Variants in PLCG2 observed in about 807,000 individuals in gnomAD.
PLCG2 encodes phospholipase C gamma 2.
A neutral mutation model predicts 175.6 loss-of-function variants in PLCG2; 69 were observed. The observed-to-expected ratio is 0.39, with a 90% CI of 0.32 to 0.48. The LOEUF (loss-of-function observed/expected upper bound fraction) is 0.48. Ranked by LOEUF, PLCG2 falls within the 20% of genes least tolerant of loss-of-function variation. PLCG2 has a pLI of 0.91. For missense variants in PLCG2, 1,798 were observed against 1,650.9 expected (o/e 1.09, Z -1.54); for synonymous variants, 827 against 624.0 (o/e 1.33, Z -4.85).
At chr16:81,803,553 C>G (rs920019410) in intron 2 of PLCG2, among the ~76,000 whole-genome samples, 1 of 59,724 alleles carries the variant, frequency 1.7e-5, no homozygotes, top group East Asian at 4.2e-4. Context: ...TCTTTCCTTT[C>G]TTTCCTTCCT....
At chr16:81,828,537 C>T (rs747429070) in intron 2 of PLCG2, among the ~76,000 whole-genome samples, 38 of 152,236 alleles carry the variant, frequency 2.5e-4, no homozygotes, top group Admixed American at 4.6e-4. Flanking sequence ...CGCACCCGGC[C>T]GAGAAGCGTC....
intron 7 of PLCG2, among the ~76,000 whole-genome samples, chr16:81,875,887 C>T (rs181929328): frequency 2.4e-4 from 36 of 152,118 alleles, no homozygotes; most frequent in South Asian, 6.2e-4. Flanking sequence ...GAGTGATGAG[C>T]GTTCTGTGAC....
At chr16:81,925,529 T>C (rs1910227853) in intron 22 of PLCG2, among the ~76,000 whole-genome samples, 1 of 152,210 alleles carries the variant, frequency 6.6e-6, no homozygotes, top group South Asian at 2.1e-4. Context: ...GTCCTCACTC[T>C]GCTTATTCAG....
chr16:81,743,938 A>C (rs12928452), intron 1 of PLCG2, among the ~76,000 whole-genome samples: 90,969 of 150,882 alleles, frequency 0.6, 27,500 homozygotes, highest in Non-Finnish European at 0.63. Flanking sequence ...GGCTCACTGC[A>C]ACCTCCACCT....
At chr16:81,935,311 C>T (rs1014501925) in intron 26 of PLCG2, among the ~76,000 whole-genome samples, 4 of 152,022 alleles carry the variant, frequency 2.6e-5, no homozygotes, top group African/African-American at 9.7e-5. Context: ...CTGGATATTC[C>T]AGAATAAGCC....
intron 13 of PLCG2, 59 bp downstream of exon 13, chr16:81,895,986 A>T (rs1023491398): frequency 1.2e-6 from 2 of 1,601,932 alleles, no homozygotes; most frequent in African/African-American, 2.7e-5. Flanking sequence ...AGGGTTGGAT[A>T]GACAGATGGA....
intron 1 of PLCG2, among the ~76,000 whole-genome samples, chr16:81,751,032 G>C (rs1197477226): frequency 7.7e-6 from 1 of 130,366 alleles, no homozygotes; most frequent in African/African-American, 2.9e-5. Flanking sequence ...CCAGACTGGA[G>C]TACGGTAGTG....
At chr16:81,812,925 G>A (rs975113917) in intron 2 of PLCG2, among the ~76,000 whole-genome samples, 1 of 152,150 alleles carries the variant, frequency 6.6e-6, no homozygotes, top group Non-Finnish European at 1.5e-5. Context: ...CATTTATTAA[G>A]TAGGGAATCC....
chr16:81,885,215 G>A (rs1908299546), intron 9 of PLCG2, among the ~76,000 whole-genome samples: 1 of 152,144 alleles, frequency 6.6e-6, no homozygotes, highest in Admixed American at 6.5e-5. Flanking sequence ...ATAGAGTCGG[G>A]GTTTCACAAT....
At chr16:81,816,667 T>C (rs894658713) in intron 2 of PLCG2, among the ~76,000 whole-genome samples, 3 of 141,402 alleles carry the variant, frequency 2.1e-5, no homozygotes, top group Non-Finnish European at 3.1e-5. Flanking sequence ...TTTTTTTTTT[T>C]TTTTTTTTTT....
chr16:81,945,082 G>C (rs1164909704), intron 30 of PLCG2, among the ~76,000 whole-genome samples: 1 of 152,196 alleles, frequency 6.6e-6, no homozygotes, highest in Admixed American at 6.5e-5. Context: ...GGTGTAAAAG[G>C]AGAAATTGGG....
At chr16:81,781,792 GC>G (rs1332502795) in intron 1 of PLCG2, among the ~76,000 whole-genome samples, 2 of 152,148 alleles carry the variant, frequency 1.3e-5, no homozygotes, top group Admixed American at 1.3e-4. Flanking sequence ...GGCTTACCAT[GC>G]ACAGAGCACT....
rs532206223 is a variant in PLCG2, at chr16:81,804,207, A to C, written c.193+18025A>C. Among the ~76,000 whole-genome samples, 8 of 152,344 alleles carry C rather than the reference A, an allele frequency of 5.3e-5. No homozygotes were observed. The South Asian group carries it at 1.5e-3, about 28-fold the overall frequency. Reference sequence around the variant, plus strand: ...CTCCAACTTCCCCATGTCCTCGCCAACACATGTTAGTATCTGTCTTTTTGG... The same window carrying C: ...CTCCAACTTCCCCATGTCCTCGCCACCACATGTTAGTATCTGTCTTTTTGG... On this transcript the variant is annotated intron_variant, in intron 2 of 32. Transcript: ENST00000564138.
At chr16:81,859,282 G>T in intron 5 of PLCG2, 119 bp downstream of exon 5, 1 of 680,006 alleles carries the variant, frequency 1.5e-6, no homozygotes, top group Non-Finnish European at 2.7e-6. Flanking sequence ...TGCGTCCATT[G>T]TGATCTGCGG....
At chr16:81,922,426 T>G (rs1368657588) in intron 21 of PLCG2, among the ~76,000 whole-genome samples, 1 of 152,258 alleles carries the variant, frequency 6.6e-6, no homozygotes, top group Non-Finnish European at 1.5e-5. Flanking sequence ...ACCTTAAGGC[T>G]TGGAATAATG....
chr16:81,907,139 A>G (rs2143647703), intron 15 of PLCG2, among the ~76,000 whole-genome samples: 1 of 152,158 alleles, frequency 6.6e-6, no homozygotes, highest in East Asian at 1.9e-4. Flanking sequence ...CTTAAAGTAT[A>G]ATAAAAAAAT....
chr16:81,760,964 C>T (rs1040057275), intron 2 of PLCG2, among the ~76,000 whole-genome samples: 2 of 152,000 alleles, frequency 1.3e-5, no homozygotes, highest in Non-Finnish European at 1.5e-5. Flanking sequence ...AATGCAGTGG[C>T]GTGATCTCAG....
At chr16:81,774,177 C>CAAAAAA (rs57503150) in intron 2 of PLCG2, among the ~76,000 whole-genome samples, 2 of 40,532 alleles carry the variant, frequency 4.9e-5, no homozygotes, top group Non-Finnish European at 8.0e-5. Flanking sequence ...ACTAAAAATA[C>CAAAAAA]AAAAAAAAAA....
intron 2 of PLCG2, among the ~76,000 whole-genome samples, chr16:81,835,926 A>C (rs563592664): frequency 6.6e-6 from 1 of 152,232 alleles, no homozygotes; most frequent in Non-Finnish European, 1.5e-5. Context: ...CCCTCTTACA[A>C]GGACAGTAGT....
Sources: allele counts gnomAD v4.1 joint callset (sites outside exome capture counted in the v4.1 genomes callset), GRCh38; gene constraint gnomAD v4.1.1; transcripts MANE v1.5; gene names NCBI Gene and HGNC (gene_info 2026-07-23, HGNC 2026-07-21).